Variants in SAMD3 observed in about 807,000 individuals in gnomAD.
SAMD3 encodes sterile alpha motif domain containing 3, also known as sterile alpha motif domain-containing protein 3.
A neutral mutation model predicts 58.5 loss-of-function variants in SAMD3; 63 were observed. The ratio of observed to expected loss-of-function variants is 1.08; its 90% CI spans 0.88 to 1.33. The LOEUF is 1.33. Ranked by LOEUF, SAMD3 falls within the 40% of genes most tolerant of loss-of-function variation. The pLI is 0.00. For missense variants in SAMD3, 604 were observed against 608.4 expected (o/e 0.99, Z 0.08); for synonymous variants, 220 against 210.3 (o/e 1.05, Z -0.40).
chr6:130,358,314 A>T (rs1003315801), intron 1 of SAMD3, among the ~76,000 whole-genome samples: 1 of 152,248 alleles, frequency 6.6e-6, no homozygotes, highest in African/African-American at 2.4e-5. Flanking sequence ...GCTTTTAGAC[A>T]CACTGGGATT....
chr6:130,152,341 G>C (rs1443481833), intron 9 of SAMD3, among the ~76,000 whole-genome samples: 1 of 152,180 alleles, frequency 6.6e-6, no homozygotes, highest in African/African-American at 2.4e-5. Context: ...CTGAGTCAGG[G>C]AGGTACTTCC....
At chr6:130,164,325 G>A (rs1049157600) in intron 8 of SAMD3, among the ~76,000 whole-genome samples, 1 of 152,104 alleles carries the variant, frequency 6.6e-6, no homozygotes, top group Non-Finnish European at 1.5e-5. Flanking sequence ...TGAAAACTAG[G>A]TGTTTTTACT....
At chr6:130,218,913 C>G (rs554792637) in intron 1 of SAMD3, among the ~76,000 whole-genome samples, 1 of 151,994 alleles carries the variant, frequency 6.6e-6, no homozygotes, top group African/African-American at 2.4e-5. Context: ...GTCTGAAGAT[C>G]GCAGAAAGGC....
intron 2 of SAMD3, among the ~76,000 whole-genome samples, chr6:130,293,876 C>T (rs1044181542): frequency 2.6e-5 from 4 of 151,900 alleles, no homozygotes; most frequent in Admixed American, 6.6e-5. Flanking sequence ...TTTGATGTTG[C>T]GGAAGTCTTA....
At chr6:130,365,087 C>G (rs1778098650) in intron 1 of SAMD3, 1 of 784,120 alleles carries the variant, frequency 1.3e-6, no homozygotes, top group Middle Eastern at 6.4e-4. Flanking sequence ...GTTGGAATAT[C>G]CGGTAATTAG....
In SAMD3 at chr6:130,359,712, A is replaced by G. The variant is rs923136345; in HGVS notation, c.-304+5408T>C. 5.9e-5 allele frequency among the ~76,000 whole-genome samples: 9 copies of G among 152,376 alleles called. No homozygotes were observed. The South Asian group carries it at 1.4e-3, about 25-fold the overall frequency. On this transcript the variant is annotated intron_variant, in intron 1 of 13. Coordinates refer to the SAMD3 transcript ENST00000368134. ...TCATTTCTATACAGCCCAACTGAAT[A>G]TAATGCCCAATACATTATGTGAATG...
intron 5 of SAMD3, among the ~76,000 whole-genome samples, chr6:130,196,190 C>G (rs927151688): frequency 2.6e-5 from 4 of 152,116 alleles, no homozygotes; most frequent in Non-Finnish European, 5.9e-5. Context: ...CTCCTGCCCC[C>G]CTAATACTTT....
At chr6:130,267,084 C>G (rs1204552848) in intron 2 of SAMD3, among the ~76,000 whole-genome samples, 1 of 152,166 alleles carries the variant, frequency 6.6e-6, no homozygotes, top group Non-Finnish European at 1.5e-5. Context: ...TTGCTACTGG[C>G]TGAAGGAGGG....
At chr6:130,266,921 C>T (rs750580872) in intron 2 of SAMD3, among the ~76,000 whole-genome samples, 36 of 152,104 alleles carry the variant, frequency 2.4e-4, no homozygotes, top group African/African-American at 7.0e-4. Context: ...ATGAGGATAC[C>T]GGACCCCCAT....
chr6:130,336,594 A>T (rs148209027), intron 1 of SAMD3, among the ~76,000 whole-genome samples: 48 of 152,362 alleles, frequency 3.2e-4, no homozygotes, highest in African/African-American at 1.1e-3. Flanking sequence ...TCACCTGTTC[A>T]TATGAGTAAT....
chr6:130,344,825 C>CAAAAAAAAAAAAAAAAAAAAAAA (rs56795907), intron 1 of SAMD3, among the ~76,000 whole-genome samples: 1 of 41,110 alleles, frequency 2.4e-5, no homozygotes, highest in African/African-American at 1.1e-4. Flanking sequence ...ACAACAACAG[C>CAAAAAAAAAAAAAAAAAAAAAAA]AAAAAAAAAA....
chr6:130,258,032 T>C (rs1193410606), intron 2 of SAMD3, among the ~76,000 whole-genome samples: 7 of 152,120 alleles, frequency 4.6e-5, no homozygotes, highest in Admixed American at 3.9e-4. Flanking sequence ...CATATTGGAG[T>C]AGTTTTTTCT....
chr6:130,264,594 G>A (rs1386519424), intron 2 of SAMD3, among the ~76,000 whole-genome samples: 3 of 152,138 alleles, frequency 2.0e-5, no homozygotes, highest in Non-Finnish European at 4.4e-5. Flanking sequence ...AGCCCCTTAT[G>A]GGTCTTTCAA....
intron 2 of SAMD3, among the ~76,000 whole-genome samples, chr6:130,276,453 A>G (rs565626933): frequency 5.3e-5 from 8 of 152,186 alleles, no homozygotes; most frequent in Non-Finnish European, 8.8e-5. Flanking sequence ...AAGAATGTAT[A>G]GGTAAGTAAA....
chr6:130,203,032 G>A (rs1358717618), intron 5 of SAMD3, among the ~76,000 whole-genome samples: 1 of 152,110 alleles, frequency 6.6e-6, no homozygotes, highest in Non-Finnish European at 1.5e-5. Context: ...AGCAACAACC[G>A]ACTGGTGTCC....
intron 5 of SAMD3, among the ~76,000 whole-genome samples, chr6:130,200,821 T>C (rs992200884): frequency 1.3e-5 from 2 of 152,178 alleles, no homozygotes; most frequent in Non-Finnish European, 2.9e-5. Flanking sequence ...GTGTTTTCTA[T>C]ATAAAATGTT....
intron 2 of SAMD3, among the ~76,000 whole-genome samples, chr6:130,301,310 G>A (rs960033968): frequency 6.6e-6 from 1 of 152,058 alleles, no homozygotes; most frequent in Admixed American, 6.6e-5. Context: ...AAACCAAATT[G>A]AGAACTCAAT....
chr6:130,358,234 C>T (rs541685479), intron 1 of SAMD3, among the ~76,000 whole-genome samples: 7 of 152,258 alleles, frequency 4.6e-5, no homozygotes, highest in African/African-American at 1.4e-4. Context: ...TATTCTTTCA[C>T]GTATCTAAAA....
chr6:130,161,568 CA>C (rs1274424202), intron 8 of SAMD3: 1 of 152,144 alleles, frequency 6.6e-6, no homozygotes, highest in Admixed American at 6.6e-5. Flanking sequence ...TAAAAAGCTA[CA>C]TCAGAATTTA....
Sources: gnomAD v4.1 joint callset for allele counts (sites outside exome capture counted in the v4.1 genomes callset) on GRCh38, gnomAD v4.1.1 for gene constraint, MANE v1.5 for transcripts, NCBI Gene and HGNC (gene_info 2026-07-23, HGNC 2026-07-21) for gene names.